PSKH2: variants seen among roughly 807,000 people sequenced by gnomAD.
PSKH2 encodes the protein protein serine kinase H2.
In PSKH2, 16 loss-of-function variants were observed where a neutral mutation model predicts 22.5. That is an observed-to-expected ratio of 0.71 (90% CI 0.48 to 1.08). The LOEUF is 1.08. Among genes scored for constraint, PSKH2 ranks in the 50% least tolerant of loss-of-function variants. The pLI is 0.00. For missense variants in PSKH2, 516 were observed against 492.8 expected, an observed-to-expected ratio of 1.05 and a Z score of -0.44; for synonymous variants, 188 against 184.8, an observed-to-expected ratio of 1.02 and a Z score of -0.14.
In PSKH2 at chr8:86,069,451, G is replaced by T; in HGVS notation, c.172C>A (p.Arg58=). ...VARFRAKFDP[R]VLARYDIKAL... ...GTGGCGCTTTACCTGGCAAGGACCCGGGGGTCGAACTTGGCTCGGAAGCGA... is the reference window on the plus strand; with the variant it reads ...GTGGCGCTTTACCTGGCAAGGACCCTGGGGTCGAACTTGGCTCGGAAGCGA... Residue 58 remains arginine, a synonymous_variant, in exon 1 of 3, where the codon CGG becomes AGG. Transcript: ENST00000276616. The T allele has an allele frequency of 6.3e-7, 1 of 1,591,730 alleles. No homozygotes were observed. Among genetic ancestry groups the T allele is most frequent in the Non-Finnish European group, 8.6e-7 (1 of 1,169,384 alleles).
At chr8:86,061,100 T>C (rs1817771244) in intron 2 of PSKH2, among the ~76,000 whole-genome samples, 1 of 152,180 alleles carries the variant, frequency 6.6e-6, no homozygotes, top group Non-Finnish European at 1.5e-5. Context: ...GTGAAAACCC[T>C]GCCCATTAGC....
intron 2 of PSKH2, among the ~76,000 whole-genome samples, chr8:86,050,109 C>G (rs1275313191): frequency 6.6e-6 from 1 of 152,184 alleles, no homozygotes; most frequent in African/African-American, 2.4e-5. Context: ...ATTGCACATA[C>G]TTTAAATACA....
intron 1 of PSKH2, among the ~76,000 whole-genome samples, chr8:86,068,489 A>C (rs1039716734): frequency 3.9e-5 from 6 of 152,236 alleles, no homozygotes; most frequent in African/African-American, 1.4e-4. Context: ...TAATGTCTGC[A>C]TGAGGACTGG....
Position 86,048,587 on chromosome 8 carries a change from A to G in PSKH2, c.1033T>C (p.Ser345Pro). The G allele has an allele frequency of 1.2e-6, 2 of 1,614,080 alleles. No individual in the cohort carries two copies. Among genetic ancestry groups the G allele is most frequent in the Non-Finnish European group, 1.7e-6 (2 of 1,179,988 alleles). ...GATCCAGGACTCTGAGAGTGGGGAGAGGCCCTCTGCATGAGGTTTCGGGAT... is the reference window on the plus strand; with the variant it reads ...GATCCAGGACTCTGAGAGTGGGGAGGGGCCCTCTGCATGAGGTTTCGGGAT... Reference protein sequence around the residue: ...AISRNLMQRASPHSQSPGSAQ... With the variant: ...AISRNLMQRAPPHSQSPGSAQ... The change falls in exon 3 of 3, where the codon TCT (serine) becomes CCT (proline). Residue 345 changes from serine (S) to proline (P), a missense_variant. Ser to Pro is a moderately conservative substitution (Grantham distance 74). Transcript: ENST00000276616.
At chr8:86,052,940 A>G (rs1320374096) in intron 2 of PSKH2, among the ~76,000 whole-genome samples, 3 of 152,162 alleles carry the variant, frequency 2.0e-5, no homozygotes, top group Admixed American at 2.0e-4. Context: ...ATAAAACAAC[A>G]GTGACCCAAA....
Position 86,048,244 on chromosome 8 carries a change from C to T in PSKH2, c.*218G>A. 1 of 442,324 alleles carries T rather than the reference C, an allele frequency of 2.3e-6. No homozygotes were observed. The allele number at this position is 442,324 out of a possible 1,614,324, so 27.4% of individuals were successfully genotyped here. On this transcript the variant is annotated 3_prime_UTR_variant, in exon 3 of 3. Transcript: ENST00000276616. ...TATTTATTGTTTCCAGTTATCTAAACATAGCTAGTATTTACTAAACTGTTA... is the reference window on the plus strand; with the variant it reads ...TATTTATTGTTTCCAGTTATCTAAATATAGCTAGTATTTACTAAACTGTTA...
Position 86,064,115 on chromosome 8 carries a change from C to G in PSKH2, c.702G>C (p.Leu234Phe), listed in dbSNP as rs745363351. 1.9e-6 allele frequency: 3 copies of G among 1,614,136 alleles called. No individual in the cohort carries two copies. In the South Asian group the frequency reaches 3.3e-5, roughly 18 times the overall value. Reference sequence around the variant, plus strand: ...CTGCACTGGTATAAGGCTTCCTTAGCAAAACCTCAGGAGCTATGTACTCTG... The same window carrying G: ...CTGCACTGGTATAAGGCTTCCTTAGGAAAACCTCAGGAGCTATGTACTCTG... Reference protein sequence around the residue: ...GTPEYIAPEVLLRKPYTSAVD... With the variant: ...GTPEYIAPEVFLRKPYTSAVD... Residue 234 changes from leucine (L) to phenylalanine (F), a missense_variant, in exon 2 of 3, where the codon TTG becomes TTC. Physicochemically the swap from Leu to Phe is conservative, Grantham distance 22 (BLOSUM62 0). Transcript: ENST00000276616.
At chr8:86,058,128 T>C (rs1383577350) in intron 2 of PSKH2, among the ~76,000 whole-genome samples, 3 of 152,180 alleles carry the variant, frequency 2.0e-5, no homozygotes, top group Non-Finnish European at 4.4e-5. Flanking sequence ...CCAAAAGCCA[T>C]TGTGATGGCA....
chr8:86,054,598 A>G (rs1266729296), intron 2 of PSKH2, among the ~76,000 whole-genome samples: 2 of 152,208 alleles, frequency 1.3e-5, no homozygotes, highest in African/African-American at 2.4e-5. Flanking sequence ...AGCAGATTTT[A>G]AATGCTTTAT....
At chr8:86,064,872 A>T (rs1817836875) in intron 1 of PSKH2, among the ~76,000 whole-genome samples, 1 of 152,180 alleles carries the variant, frequency 6.6e-6, no homozygotes, top group Non-Finnish European at 1.5e-5. Context: ...ACTACCATTT[A>T]TTATACAGTT....
At chr8:86,069,669 A>C, upstream of PSKH2, 1 of 1,462,922 alleles carries the variant, frequency 6.8e-7, no homozygotes. Context: ...CTCGGGAAGC[A>C]GCCAGCCCCG....
At chr8:86,056,086 C>G (rs1817695054) in intron 2 of PSKH2, among the ~76,000 whole-genome samples, 3 of 151,826 alleles carry the variant, frequency 2.0e-5, no homozygotes, top group Non-Finnish European at 1.5e-5. Context: ...ACCAAGAGTT[C>G]AAGACCAGCC....
upstream of PSKH2, chr8:86,069,682 C>G: frequency 7.0e-7 from 1 of 1,433,182 alleles, no homozygotes; most frequent in Non-Finnish European, 9.1e-7. Flanking sequence ...CAGCCCCGTT[C>G]CTCCGCCCTT....
At chr8:86,064,725 T>G in intron 1 of PSKH2, 94 bp from the exon 2 acceptor site, 1 of 966,538 alleles carries the variant, frequency 1.0e-6, no homozygotes, top group Non-Finnish European at 1.5e-6. Context: ...TCTATCCTTC[T>G]ATTCCTCCCA....
chr8:86,064,778 G>T, intron 1 of PSKH2, 147 bp from the exon 2 acceptor site: 1 of 699,622 alleles, frequency 1.4e-6, no homozygotes, highest in Middle Eastern at 2.6e-4. Context: ...ATTATTTTTT[G>T]AAAGGTACCC....
Position 86,051,204 on chromosome 8 carries a change from G to C in PSKH2, c.853-2437C>G, listed in dbSNP as rs896195416. ...CCTCACTCTCCCATGCTGGGAGAGTGCCTCACTCTCACATGCTGGGATTAC... is the reference window on the plus strand; with the variant it reads ...CCTCACTCTCCCATGCTGGGAGAGTCCCTCACTCTCACATGCTGGGATTAC... On this transcript the variant is annotated intron_variant, in intron 2 of 2. Coordinates refer to ENST00000276616, the MANE Select transcript of PSKH2 (RefSeq NM_033126.3). 2.0e-4 allele frequency among the ~76,000 whole-genome samples: 30 copies of C among 151,718 alleles called. 1 individual carries two copies. The highest frequency in any genetic ancestry group is 3.5e-4 in the Non-Finnish European group (24 of 67,832).
intron 2 of PSKH2, among the ~76,000 whole-genome samples, chr8:86,059,563 A>G (rs1483775): frequency 0.042 from 6,360 of 152,198 alleles, 203 homozygotes; most frequent in Non-Finnish European, 0.063. Flanking sequence ...TTCCATAGTC[A>G]TATCTCTTCT....
chr8:86,069,730 A>T, upstream of PSKH2: 1 of 1,295,774 alleles, frequency 7.7e-7, no homozygotes, highest in East Asian at 2.8e-5. Context: ...ACCCTCGGAA[A>T]GAAACCCCAC....
At chr8:86,052,057 T>A (rs976215325) in intron 2 of PSKH2, among the ~76,000 whole-genome samples, 8 of 152,208 alleles carry the variant, frequency 5.3e-5, no homozygotes, top group African/African-American at 1.9e-4. Flanking sequence ...AATAGACTAA[T>A]ATACATACAC....
Sources: gnomAD v4.1 joint callset for allele counts (sites outside exome capture counted in the v4.1 genomes callset) on GRCh38, gnomAD v4.1.1 for gene constraint, MANE v1.5 for transcripts, NCBI Gene and HGNC (gene_info 2026-07-23, HGNC 2026-07-21) for gene names.